The following ALDH1L2 variants were observed in gnomAD, a reference collection of about 807,000 sequenced individuals.
ALDH1L2 encodes the protein aldehyde dehydrogenase 1 family member L2, also known as mitochondrial 10-formyltetrahydrofolate dehydrogenase.
A neutral mutation model predicts 111.0 loss-of-function variants in ALDH1L2; 91 were observed. That is an observed-to-expected ratio of 0.82 (90% CI 0.69 to 0.98). The LOEUF is 0.98. Ranked by LOEUF, ALDH1L2 falls within the 50% of genes least tolerant of loss-of-function variation. The pLI, the probability that ALDH1L2 is intolerant of heterozygous loss-of-function variation, is 0.00. For missense variants in ALDH1L2, 995 were observed against 1,126.8 expected, an observed-to-expected ratio of 0.88 and a Z score of 1.67; for synonymous variants, 374 against 392.6, an observed-to-expected ratio of 0.95 and a Z score of 0.56.
At chr12:105,072,177 C>A (rs7962796) in intron 2 of ALDH1L2, among the ~76,000 whole-genome samples, 97,468 of 147,374 alleles carry the variant, frequency 0.66, 32,240 homozygotes, top group Middle Eastern at 0.81. Flanking sequence ...ATTATGATAT[C>A]TATTAATATC....
At chr12:105,069,031 C>T (rs148726303) in intron 3 of ALDH1L2, 147 bp from the exon 4 acceptor site, 9 of 709,914 alleles carry the variant, frequency 1.3e-5, no homozygotes, top group Admixed American at 4.0e-5. Context: ...AACTGGGAGA[C>T]GTCAGGGCTC....
At chr12:105,072,510 C>T (rs1012833840) in intron 2 of ALDH1L2, 3 of 152,086 alleles carry the variant, frequency 2.0e-5, no homozygotes, top group Non-Finnish European at 4.4e-5. Flanking sequence ...CAATAGTGTT[C>T]ACAAAATGTG....
chr12:105,065,131 G>T, intron 6 of ALDH1L2, 136 bp downstream of exon 6: 1 of 516,526 alleles, frequency 1.9e-6, no homozygotes, highest in Non-Finnish European at 3.5e-6. Context: ...AATACATGCT[G>T]AGTAAAGGGG....
chr12:105,025,158 G>A lies in ALDH1L2; in HGVS notation c.2717-679C>T, dbSNP rs190810911. On this transcript the variant is annotated intron_variant, in intron 22 of 22. Transcript: ENST00000258494. ...ATACCATGGGAAAACTAATGAGTGC[G>A]TGATTCTGGAAGCTGAGCTAAAACA... is the stretch of plus-strand genomic sequence containing the variant. Among the ~76,000 whole-genome samples the A allele has an allele frequency of 7.9e-4, 120 of 152,270 alleles. 1 individual carries two copies. The highest frequency in any genetic ancestry group is 2.3e-3 in the African/African-American group (96 of 41,560).
In ALDH1L2 at chr12:105,068,751, G is replaced by T; in HGVS notation, c.562C>A (p.Arg188=). Residue 188 remains arginine (R), a synonymous_variant, in exon 4 of 23, where the codon CGG becomes AGG. Transcript: ENST00000258494. ...TTGATTCCTTCAGGAAAAAGAAACCGATTATAAAGTGCATCCACTGTATCA... is the reference window on the plus strand; with the variant it reads ...TTGATTCCTTCAGGAAAAAGAAACCTATTATAAAGTGCATCCACTGTATCA... The part of the protein sequence containing the change: ...PNDTVDALYN[R]FLFPEGIKAM... The T allele has an allele frequency of 6.4e-7, 1 of 1,563,584 alleles. No homozygotes were observed. The highest frequency in any genetic ancestry group is 8.7e-7 in the Non-Finnish European group (1 of 1,155,496).
At position 105,080,355 on chromosome 12, in the gene ALDH1L2, T is replaced by C. The variant is rs115934355; in HGVS notation, c.48+4034A>G. Among the ~76,000 whole-genome samples, 885 of 152,272 alleles carry C rather than the reference T, an allele frequency of 5.8e-3. 15 individuals are homozygous for C. Among genetic ancestry groups the C allele is most frequent in the African/African-American group, 0.02 (849 of 41,554 alleles). On this transcript the variant is annotated intron_variant, in intron 1 of 22. Transcript: ENST00000258494. Reference sequence around the variant, plus strand: ...TTGCCTGATTACTAGTTTGGTTGAGTGTATTTTCATATTTTATTGCTCATT... The same window carrying C: ...TTGCCTGATTACTAGTTTGGTTGAGCGTATTTTCATATTTTATTGCTCATT...
chr12:105,077,975 TCATGGAG>T (rs1332672687), intron 1 of ALDH1L2, among the ~76,000 whole-genome samples: 1 of 152,180 alleles, frequency 6.6e-6, no homozygotes, highest in Non-Finnish European at 1.5e-5. Context: ...GCCTAACACT[TCATGGAG>T]CATCCGGCAC....
At chr12:105,037,815 A>G (rs1875248728) in intron 18 of ALDH1L2, among the ~76,000 whole-genome samples, 1 of 148,812 alleles carries the variant, frequency 6.7e-6, no homozygotes, top group Admixed American at 6.8e-5. Flanking sequence ...CCCAGGCTGG[A>G]GTGCAGTGGC....
chr12:105,034,172 A>AT (rs1212628269), intron 19 of ALDH1L2, 128 bp downstream of exon 19: 39 of 856,298 alleles, frequency 4.6e-5, no homozygotes, highest in East Asian at 5.9e-5. Flanking sequence ...CTAGGGACTG[A>AT]TTTTTTTTAA....
chr12:105,066,608 C>T lies in ALDH1L2; in HGVS notation c.656G>A (p.Gly219Glu), dbSNP rs1315901269. ...TTTCTGGATACCTTCATATGTTGCCCCTTCTTCTGGCTGGGGTATACGAGG... is the reference window on the plus strand; with the variant it reads ...TTTCTGGATACCTTCATATGTTGCCTCTTCTTCTGGCTGGGGTATACGAGG... ...KAPRIPQPEE[G>E]ATYEGIQKKE... The change falls in exon 5 of 23, where the codon GGG (glycine) becomes GAG (glutamate). Residue 219 changes from glycine (G) to glutamate (E), a missense_variant. By Grantham distance (98) the Gly-to-Glu change is moderately conservative. Transcript: ENST00000258494. 5 of 1,614,084 alleles carry T rather than the reference C, an allele frequency of 3.1e-6. No individual in the cohort carries two copies. The highest frequency in any genetic ancestry group is 4.2e-6 in the Non-Finnish European group (5 of 1,180,016).
intron 1 of ALDH1L2, among the ~76,000 whole-genome samples, chr12:105,082,749 T>A (rs1878387832): frequency 6.6e-6 from 1 of 152,236 alleles, no homozygotes; most frequent in Non-Finnish European, 1.5e-5. Flanking sequence ...ATATGATAGG[T>A]TTATGTTTAA....
At chr12:105,076,076 C>G (rs1437972360) in intron 1 of ALDH1L2, among the ~76,000 whole-genome samples, 3 of 152,202 alleles carry the variant, frequency 2.0e-5, no homozygotes, top group Admixed American at 2.0e-4. Context: ...TATTTTACTT[C>G]AGTCTTATTT....
intron 9 of ALDH1L2, among the ~76,000 whole-genome samples, chr12:105,059,035 G>A (rs371735594): frequency 6.6e-6 from 1 of 151,932 alleles, no homozygotes; most frequent in Non-Finnish European, 1.5e-5. Context: ...TTGGGAGGCC[G>A]AGGCGGGTGG....
At chr12:105,084,319 GC>G in intron 1 of ALDH1L2, 69 bp downstream of exon 1, 1 of 1,458,914 alleles carries the variant, frequency 6.9e-7, no homozygotes, top group Non-Finnish European at 9.1e-7. Flanking sequence ...CACCGCCCCG[GC>G]CCTCCCGCCC....
intron 21 of ALDH1L2, among the ~76,000 whole-genome samples, chr12:105,029,764 C>T (rs536038026): frequency 1.0e-3 from 157 of 151,834 alleles, no homozygotes; most frequent in Non-Finnish European, 2.1e-3. Context: ...ACCATGAGAC[C>T]CCATTCTATT....
chr12:105,038,278 AAACACAC>A (rs1875296621), intron 17 of ALDH1L2, 76 bp from the exon 18 acceptor site: 48 of 253,638 alleles, frequency 1.9e-4, no homozygotes, highest in Middle Eastern at 7.7e-4. Flanking sequence ...ACACACACAC[AAACACAC>A]ACACACACAC....
intron 3 of ALDH1L2, among the ~76,000 whole-genome samples, chr12:105,069,429 A>G (rs1877553178): frequency 6.6e-6 from 1 of 152,188 alleles, no homozygotes; most frequent in Non-Finnish European, 1.5e-5. Flanking sequence ...ACAAATCAAG[A>G]CCTAAATCAA....
intron 15 of ALDH1L2, among the ~76,000 whole-genome samples, chr12:105,045,260 T>C (rs1875772119): frequency 2.0e-5 from 3 of 152,118 alleles, no homozygotes; most frequent in African/African-American, 4.8e-5. Context: ...ATTTTTTGTA[T>C]TTTTAGTAGA....
intron 10 of ALDH1L2, among the ~76,000 whole-genome samples, chr12:105,055,417 A>C (rs766280742): frequency 9.2e-5 from 14 of 152,262 alleles, no homozygotes; most frequent in Admixed American, 2.6e-4. Context: ...AAGCAGCAGC[A>C]GCAACAGCAA....
Sources: gnomAD v4.1 joint callset for allele counts (sites outside exome capture counted in the v4.1 genomes callset) on GRCh38, gnomAD v4.1.1 for gene constraint, MANE v1.5 for transcripts, NCBI Gene and HGNC (gene_info 2026-07-23, HGNC 2026-07-21) for gene names.